The following WSCD2 variants were observed in gnomAD, a reference collection of about 807,000 sequenced individuals.
WSCD2 encodes the protein WSC domain sialate O sulfotransferase 2.
WSCD2 carries 28 observed loss-of-function variants against 55.7 expected under a neutral mutation model. That is an observed-to-expected ratio of 0.50 (90% CI 0.37 to 0.69). The LOEUF is 0.69. Ranked by LOEUF, WSCD2 falls within the 30% of genes least tolerant of loss-of-function variation. WSCD2 has a pLI of 0.00. For synonymous variants in WSCD2, 301 were observed against 301.9 expected (o/e 1.00, Z 0.03); for missense variants, 616 against 762.1 (o/e 0.81, Z 2.26).
chr12:108,158,437 C>G (rs1051404345), intron 1 of WSCD2, among the ~76,000 whole-genome samples: 13 of 141,636 alleles, frequency 9.2e-5, no homozygotes, highest in South Asian at 2.6e-4. Context: ...ATGTTCCCAT[C>G]CTTTCTCCTA....
At chr12:108,190,634 G>A (rs529778048) in intron 1 of WSCD2, among the ~76,000 whole-genome samples, 3 of 152,122 alleles carry the variant, frequency 2.0e-5, no homozygotes, top group Non-Finnish European at 4.4e-5. Context: ...CTTCAAGTTG[G>A]CAGCTCAACA....
chr12:108,222,994 G>A (rs997440566), intron 4 of WSCD2, among the ~76,000 whole-genome samples: 1 of 152,326 alleles, frequency 6.6e-6, no homozygotes, highest in Non-Finnish European at 1.5e-5. Context: ...AATTCATATG[G>A]CAGGCCAGCA....
chr12:108,139,623 T>C (rs1216944788), intron 1 of WSCD2, among the ~76,000 whole-genome samples: 1 of 152,206 alleles, frequency 6.6e-6, no homozygotes, highest in Non-Finnish European at 1.5e-5. Context: ...TGCCTCAGTT[T>C]CTCATCTGTA....
At chr12:108,189,158 A>G (rs1592971804) in intron 1 of WSCD2, among the ~76,000 whole-genome samples, 1 of 152,258 alleles carries the variant, frequency 6.6e-6, no homozygotes, top group Admixed American at 6.5e-5. Context: ...CTAAGGAATC[A>G]ACTATTCCAA....
intron 4 of WSCD2, among the ~76,000 whole-genome samples, chr12:108,223,912 A>T (rs1252575813): frequency 1.3e-5 from 2 of 152,138 alleles, no homozygotes; most frequent in Non-Finnish European, 2.9e-5. Flanking sequence ...CTGCCGTGAG[A>T]CCAGGATGGA....
At chr12:108,206,594 C>G (rs1400841041) in intron 3 of WSCD2, among the ~76,000 whole-genome samples, 191 bp downstream of exon 3, 4 of 152,162 alleles carry the variant, frequency 2.6e-5, no homozygotes, top group African/African-American at 9.7e-5. Context: ...GAGGACTGCT[C>G]AAGAGTTGGT....
At position 108,192,959 on chromosome 12, in the gene WSCD2, A is replaced by G. The variant is rs1185977714; in HGVS notation, c.-551-2323A>G. On this transcript the variant is annotated intron_variant, in intron 1 of 8. Coordinates refer to ENST00000547525, the MANE Select transcript of WSCD2 (RefSeq NM_014653.4). ...TTTTTTTTTTTCTGGGCATATATCTATAGTTGTCATGAGATCCTCAAAGAG... is the reference window on the plus strand; with the variant it reads ...TTTTTTTTTTTCTGGGCATATATCTGTAGTTGTCATGAGATCCTCAAAGAG... Among the ~76,000 whole-genome samples, 3 of 151,420 alleles carry G rather than the reference A, an allele frequency of 2.0e-5. No individual in the cohort carries two copies. The East Asian group carries it at 5.8e-4, about 29-fold the overall frequency.
At chr12:108,234,189 T>C (rs1421821534) in intron 7 of WSCD2, among the ~76,000 whole-genome samples, 1 of 152,232 alleles carries the variant, frequency 6.6e-6, no homozygotes, top group Non-Finnish European at 1.5e-5. Context: ...TAAGAAAGCT[T>C]ACGAATTTGT....
At chr12:108,143,595 T>C (rs900287284) in intron 1 of WSCD2, among the ~76,000 whole-genome samples, 1 of 152,194 alleles carries the variant, frequency 6.6e-6, no homozygotes, top group Non-Finnish European at 1.5e-5. Flanking sequence ...GCCCCCAGCG[T>C]GCAATGTGCC....
Position 108,250,207 on chromosome 12 carries a change from A to G in WSCD2, c.*1864A>G, listed in dbSNP as rs1251542325. ...GTGTGTGTGTGTGTGTGTATGAGAG[A>G]GAGAGAGAGAGACAACAGAGACAGA... On this transcript the variant is annotated 3_prime_UTR_variant, in exon 9 of 9. Transcript: ENST00000547525. 1 of 131,564 alleles carries G rather than the reference A, an allele frequency of 7.6e-6. No homozygotes were observed. The highest frequency in any genetic ancestry group is 1.7e-5 in the Non-Finnish European group (1 of 57,964). 8.1% of individuals were successfully genotyped at this position (131,564 alleles called of 1,614,324 possible).
chr12:108,238,342 C>A (rs1215677280), intron 7 of WSCD2, among the ~76,000 whole-genome samples: 1 of 152,224 alleles, frequency 6.6e-6, no homozygotes, highest in Non-Finnish European at 1.5e-5. Flanking sequence ...TGGAACCTGA[C>A]TGAAGAAATC....
At chr12:108,211,929 C>G (rs1178003628) in intron 4 of WSCD2, among the ~76,000 whole-genome samples, 1 of 151,560 alleles carries the variant, frequency 6.6e-6, no homozygotes, top group Admixed American at 6.6e-5. Flanking sequence ...TCCCAAAGTG[C>G]TGGAATTACA....
intron 4 of WSCD2, among the ~76,000 whole-genome samples, chr12:108,214,067 T>C (rs1886542250): frequency 1.3e-5 from 2 of 152,300 alleles, no homozygotes; most frequent in East Asian, 3.9e-4. Flanking sequence ...GCCTTCCAAG[T>C]CACTGGCACA....
At chr12:108,134,469 A>G (rs1263342585) in intron 1 of WSCD2, among the ~76,000 whole-genome samples, 1 of 152,152 alleles carries the variant, frequency 6.6e-6, no homozygotes, top group Non-Finnish European at 1.5e-5. Flanking sequence ...CTGGCCCTAG[A>G]ATGGGCACAT....
chr12:108,164,363 T>C (rs1250243844), intron 1 of WSCD2, among the ~76,000 whole-genome samples: 1 of 152,004 alleles, frequency 6.6e-6, no homozygotes, highest in East Asian at 1.9e-4. Flanking sequence ...AATTTGCCTG[T>C]CCTTGAACTT....
chr12:108,229,543 G>A (rs1888508490), intron 6 of WSCD2, among the ~76,000 whole-genome samples: 2 of 152,170 alleles, frequency 1.3e-5, no homozygotes, highest in African/African-American at 2.4e-5. Context: ...AGGTTTATTA[G>A]CCCTGTTTTA....
rs369518133 is a variant in WSCD2, at chr12:108,210,058, G to C, written c.498-63G>C. The C allele has an allele frequency of 3.5e-5, 57 of 1,606,658 alleles. No homozygotes were observed. In the African/African-American group the frequency reaches 4.9e-4, roughly 14 times the overall value. ...CTCCCATCCCCCAGGTCTCCATGTT[G>C]TGTCTCCCTGCCTCGGGGTCTCCAT... On this transcript the variant is annotated intron_variant, in intron 3 of 8. Transcript: ENST00000547525. This position sits in a 1 kb window ranked among gnomAD's most constrained non-coding sequence, Gnocchi z 4.3.
At chr12:108,179,149 T>C (rs762635499) in intron 1 of WSCD2, among the ~76,000 whole-genome samples, 1 of 150,988 alleles carries the variant, frequency 6.6e-6, no homozygotes, top group East Asian at 1.9e-4. Flanking sequence ...GGATAGGAGG[T>C]TTTTAAACTC....
chr12:108,240,559 A>AGGAGGGGAGG lies in WSCD2; in HGVS notation c.1345+28_1345+37dup, dbSNP rs760229322. The AGGAGGGGAGG allele has an allele frequency of 8.0e-6, 3 of 377,272 alleles. No individual in the cohort carries two copies. The highest frequency in any genetic ancestry group is 1.4e-4 in the African/African-American group (2 of 14,658). 23.4% of individuals were successfully genotyped at this position (377,272 alleles called of 1,614,324 possible). ...GAAGGGCAAAGGTACAGCTCGGGAGAGGAGGGGAGGGGAGGGGAGGGGCTT... is the reference window on the plus strand; with the variant it reads ...GAAGGGCAAAGGTACAGCTCGGGAGAGGAGGGGAGGGGAGGGGAGGGGAGGGGAGGGGCTT... On this transcript the variant is annotated intron_variant, in intron 8 of 8. Coordinates refer to ENST00000547525, the MANE Select transcript of WSCD2 (RefSeq NM_014653.4).
Sources: allele counts gnomAD v4.1 joint callset (sites outside exome capture counted in the v4.1 genomes callset), GRCh38; gene constraint gnomAD v4.1.1; non-coding constraint Gnocchi (gnomAD v3.1); transcripts MANE v1.5; gene names NCBI Gene and HGNC (gene_info 2026-07-23, HGNC 2026-07-21).